The following INSYN2A variants were observed in gnomAD, a reference collection of about 807,000 sequenced individuals.
INSYN2A encodes the protein inhibitory synaptic factor 2A.
Under a neutral mutation model 39.4 loss-of-function variants are expected in INSYN2A, and 17 were observed. The observed-to-expected ratio is 0.43, with a 90% CI of 0.30 to 0.65. The LOEUF is 0.65. Among genes scored for constraint, INSYN2A ranks in the 30% least tolerant of loss-of-function variants. INSYN2A has a pLI of 0.14. For synonymous variants in INSYN2A, 255 were observed against 265.7 expected (o/e 0.96, Z 0.39); for missense variants, 595 against 631.2 (o/e 0.94, Z 0.61).
At chr10:127,143,136 G>A (rs2051435560) in intron 5 of INSYN2A, among the ~76,000 whole-genome samples, 1 of 152,080 alleles carries the variant, frequency 6.6e-6, no homozygotes, top group African/African-American at 2.4e-5. Flanking sequence ...TCTTTAGCAA[G>A]CTGTCACTGA....
chr10:127,178,981 T>C (rs900263157), intron 2 of INSYN2A, among the ~76,000 whole-genome samples: 9 of 152,176 alleles, frequency 5.9e-5, no homozygotes, highest in African/African-American at 2.2e-4. Flanking sequence ...TTTAACTGCC[T>C]TTGTTGTCCA....
rs147321593 is a variant in INSYN2A, at chr10:127,143,032, G to A, written c.1257-5012C>T. Among the ~76,000 whole-genome samples the A allele has an allele frequency of 1.2e-3, 190 of 152,248 alleles. 1 individual carries two copies. Among genetic ancestry groups the A allele is most frequent in the Non-Finnish European group, 2.1e-3 (140 of 68,030 alleles). ...TGTAGTAACACTTCTCCCCGCTGCC[G>A]CATGTGATTTTGCAGAGCGGCATCC... is the stretch of plus-strand genomic sequence containing the variant. On this transcript the variant is annotated intron_variant, in intron 5 of 5. Transcript: ENST00000522781.
At chr10:127,188,965 C>T (rs1406179628) in intron 2 of INSYN2A, among the ~76,000 whole-genome samples, 1 of 152,138 alleles carries the variant, frequency 6.6e-6, no homozygotes. Flanking sequence ...AGCCTGTTAC[C>T]GCACCACCAC....
chr10:127,179,355 A>G (rs1208364442), intron 2 of INSYN2A, among the ~76,000 whole-genome samples: 1 of 152,232 alleles, frequency 6.6e-6, no homozygotes, highest in African/African-American at 2.4e-5. Flanking sequence ...GTACATAAAA[A>G]TCATTTCGTT....
At chr10:127,194,552 G>A (rs956826669) in intron 1 of INSYN2A, among the ~76,000 whole-genome samples, 3 of 152,176 alleles carry the variant, frequency 2.0e-5, no homozygotes, top group African/African-American at 7.2e-5. Context: ...TTGCTGTAGC[G>A]TAAGCTTAAT....
chr10:127,152,905 C>A (rs189867104), intron 5 of INSYN2A, among the ~76,000 whole-genome samples: 80 of 152,254 alleles, frequency 5.3e-4, no homozygotes, highest in African/African-American at 1.8e-3. Context: ...CTGTCTGGAT[C>A]GGAGGCATGG....
At chr10:127,168,487 G>A (rs2054278587) in intron 4 of INSYN2A, among the ~76,000 whole-genome samples, 1 of 152,222 alleles carries the variant, frequency 6.6e-6, no homozygotes, top group African/African-American at 2.4e-5. Flanking sequence ...GCCAGAGCCA[G>A]GGAACACGGC....
chr10:127,155,055 A>G (rs1592264527), intron 4 of INSYN2A, among the ~76,000 whole-genome samples: 1 of 152,148 alleles, frequency 6.6e-6, no homozygotes, highest in Admixed American at 6.5e-5. Flanking sequence ...TTGTGGCAGG[A>G]GAAAAGCTCC....
In INSYN2A at chr10:127,137,917, C is replaced by T; in HGVS notation, c.1360G>A (p.Glu454Lys). 6.2e-7 allele frequency: 1 copy of T among 1,614,132 alleles called. No individual in the cohort carries two copies. Among genetic ancestry groups the T allele is most frequent in the Non-Finnish European group, 8.5e-7 (1 of 1,180,018 alleles). ...TQVIPSPYSQ[E>K]TYSSTPKQKS... ...TGCTTGGGAGTTGAGGAGTAAGTCTCCTGAGAGTAAGGCGAAGGTATGACC... is the reference window on the plus strand; with the variant it reads ...TGCTTGGGAGTTGAGGAGTAAGTCTTCTGAGAGTAAGGCGAAGGTATGACC... Residue 454 changes from glutamate (E) to lysine (K), a missense_variant, in exon 6 of 6, where the codon GAG becomes AAG. This residue lies in a region of INSYN2A where 117 missense variants were observed against 163.8 expected (regional missense o/e 0.71). Transcript: ENST00000522781.
At chr10:127,195,752 C>T (rs968334774) in intron 1 of INSYN2A, among the ~76,000 whole-genome samples, 1 of 152,174 alleles carries the variant, frequency 6.6e-6, no homozygotes, top group African/African-American at 2.4e-5. Flanking sequence ...AGACGCCCCT[C>T]AGCGACCCGG....
At chr10:127,168,689 A>G (rs978440053) in intron 4 of INSYN2A, among the ~76,000 whole-genome samples, 2 of 152,208 alleles carry the variant, frequency 1.3e-5, no homozygotes, top group African/African-American at 4.8e-5. Context: ...GAGAGTGCAT[A>G]GCCAAATTGG....
chr10:127,172,100 TTTTG>T (rs770118410), intron 4 of INSYN2A, among the ~76,000 whole-genome samples: 38 of 152,192 alleles, frequency 2.5e-4, no homozygotes, highest in Admixed American at 4.6e-4. Context: ...TGTTTTCTTT[TTTTG>T]TTTGTTTGTT....
chr10:127,184,860 T>C (rs1436892211), intron 2 of INSYN2A, among the ~76,000 whole-genome samples: 3 of 152,206 alleles, frequency 2.0e-5, no homozygotes, highest in Non-Finnish European at 4.4e-5. Context: ...AGTCCTTACC[T>C]GTCACCTTCA....
intron 5 of INSYN2A, 127 bp downstream of exon 5, chr10:127,153,725 A>G (rs1051449413): frequency 2.8e-5 from 20 of 710,330 alleles, no homozygotes; most frequent in African/African-American, 7.1e-5. Context: ...ATTACAGTCA[A>G]GTAAGGTCCT....
chr10:127,175,372 C>T lies in INSYN2A; in HGVS notation c.1024G>A (p.Ala342Thr), dbSNP rs778283590. The T allele has an allele frequency of 4.3e-6, 7 of 1,613,944 alleles. No homozygotes were observed. In the African/African-American group the frequency reaches 5.3e-5, roughly 12 times the overall value. ...ACGATTCGTTGGCATTCTTCACCTG[C>T]AGCAACCGCTGTGGGACTAGGCTGG... ...GNQPSPTAVAAGEECQRIVPH... is the reference protein window; with the variant it reads ...GNQPSPTAVATGEECQRIVPH... The change falls in exon 4 of 6, where the codon GCA becomes ACA. Residue 342 changes from alanine to threonine, a missense_variant. This residue lies in a region of INSYN2A where 478 missense variants were observed against 467.4 expected (regional missense o/e 1.02). Coordinates refer to ENST00000522781, the MANE Select transcript of INSYN2A (RefSeq NM_001039762.3). The surrounding 1 kb of genome is among the most constrained non-coding windows in gnomAD (Gnocchi z 6.3).
At chr10:127,150,166 C>G (rs1361557950) in intron 5 of INSYN2A, among the ~76,000 whole-genome samples, 1 of 152,200 alleles carries the variant, frequency 6.6e-6, no homozygotes, top group Non-Finnish European at 1.5e-5. Flanking sequence ...CACCCATGTA[C>G]ACTGCTACTG....
intron 4 of INSYN2A, among the ~76,000 whole-genome samples, chr10:127,154,355 G>T (rs1215212946): frequency 2.0e-5 from 3 of 152,118 alleles, no homozygotes; most frequent in East Asian, 1.9e-4. Context: ...GCCAAATCCC[G>T]CCGGGGCCTG....
chr10:127,175,081 C>T lies in INSYN2A; in HGVS notation c.1184+131G>A, dbSNP rs553827459. On this transcript the variant is annotated intron_variant, in intron 4 of 5. Transcript: ENST00000522781. This position sits in a 1 kb window ranked among gnomAD's most constrained non-coding sequence, Gnocchi z 6.3. ...ATCTGCGACCCCTTGGAGCTCGCCACGCCCTTAGACTATGACCTGTTTACG... is the reference window on the plus strand; with the variant it reads ...ATCTGCGACCCCTTGGAGCTCGCCATGCCCTTAGACTATGACCTGTTTACG... 27 of 776,398 alleles carry T rather than the reference C, an allele frequency of 3.5e-5. No individual in the cohort carries two copies. The highest frequency in any genetic ancestry group is 3.1e-4 in the Middle Eastern group (1 of 3,246). The allele number at this position is 776,398 out of a possible 1,614,324, so 48.1% of individuals were successfully genotyped here. A position where few individuals can be genotyped will look rare whatever the true frequency, so the allele number is the denominator to read the frequency against.
At chr10:127,171,398 C>T (rs1413407939) in intron 4 of INSYN2A, among the ~76,000 whole-genome samples, 1 of 152,202 alleles carries the variant, frequency 6.6e-6, no homozygotes, top group East Asian at 1.9e-4. Flanking sequence ...CCAGGGCCAT[C>T]AGCGGGATTC....
Sources: allele counts gnomAD v4.1 joint callset (sites outside exome capture counted in the v4.1 genomes callset), GRCh38; gene constraint gnomAD v4.1.1; regional missense constraint gnomAD v4.1.1; non-coding constraint Gnocchi (gnomAD v3.1); transcripts MANE v1.5; gene names NCBI Gene and HGNC (gene_info 2026-07-23, HGNC 2026-07-21).